PPARG: variants seen among roughly 807,000 people sequenced by gnomAD.
The protein encoded by PPARG is peroxisome proliferator activated receptor gamma, also known as peroxisome proliferator-activated receptor gamma.
Under a neutral mutation model 39.2 loss-of-function variants are expected in PPARG, and 17 were observed. The ratio of observed to expected loss-of-function variants is 0.43; its 90% CI spans 0.30 to 0.65. PPARG has a LOEUF of 0.65. Among genes scored for constraint, PPARG ranks in the 30% least tolerant of loss-of-function variants. The pLI is 0.13. For synonymous variants in PPARG, 223 were observed against 215.7 expected, an observed-to-expected ratio of 1.03 and a Z score of -0.30; for missense variants, 406 against 585.9, an observed-to-expected ratio of 0.69 and a Z score of 3.17.
rs9282833 is a variant in PPARG, at chr3:12,353,044, A to T, written c.-8-26660A>T. Among the ~76,000 whole-genome samples, 128 of 152,346 alleles carry T rather than the reference A, an allele frequency of 8.4e-4. 1 individual carries two copies. The highest frequency in any genetic ancestry group is 2.1e-3 in the Admixed American group (32 of 15,302). ...TGCAGTGCAACAAATATCAACAAAT[A>T]GGTTAACTGAGAGGCAAGTACTGTT... is the stretch of plus-strand genomic sequence containing the variant. On this transcript the variant is annotated intron_variant, in intron 2 of 7. Transcript: ENST00000651735.
intron 2 of PPARG, among the ~76,000 whole-genome samples, chr3:12,359,250 T>G (rs1488252270): frequency 6.6e-6 from 1 of 152,116 alleles, no homozygotes; most frequent in Non-Finnish European, 1.5e-5. Context: ...AGGTTTTAGA[T>G]TACTGATTGA....
At chr3:12,407,647 T>C (rs986017530) in intron 6 of PPARG, among the ~76,000 whole-genome samples, 2 of 152,222 alleles carry the variant, frequency 1.3e-5, no homozygotes, top group African/African-American at 4.8e-5. Context: ...GATAGATATG[T>C]GTAACTTTTC....
At chr3:12,417,319 G>C (rs1289660012) in intron 7 of PPARG, among the ~76,000 whole-genome samples, 165 bp downstream of exon 7, 1 of 152,228 alleles carries the variant, frequency 6.6e-6, no homozygotes, top group Non-Finnish European at 1.5e-5. Context: ...CCAAGAAAGA[G>C]TGTCATAGGT....
At chr3:12,398,716 G>A (rs1009803986) in intron 5 of PPARG, among the ~76,000 whole-genome samples, 1 of 152,102 alleles carries the variant, frequency 6.6e-6, no homozygotes. Flanking sequence ...ATAAGAGGGC[G>A]GAGATGGTCA....
intron 2 of PPARG, among the ~76,000 whole-genome samples, chr3:12,354,437 T>C (rs887248020): frequency 6.6e-6 from 1 of 150,896 alleles, no homozygotes; most frequent in South Asian, 2.1e-4. Flanking sequence ...GTGGCTAGAA[T>C]AGAAGGCTCC....
chr3:12,419,830 A>T (rs1212351172), intron 7 of PPARG, among the ~76,000 whole-genome samples: 1 of 152,132 alleles, frequency 6.6e-6, no homozygotes, highest in Non-Finnish European at 1.5e-5. Context: ...ATTAATATTT[A>T]ATTTATTTCA....
intron 5 of PPARG, among the ~76,000 whole-genome samples, chr3:12,401,715 G>T (rs894315607): frequency 1.3e-5 from 2 of 151,870 alleles, no homozygotes; most frequent in African/African-American, 4.8e-5. Context: ...AAATGGGATC[G>T]ATTTTTCATT....
intron 7 of PPARG, among the ~76,000 whole-genome samples, chr3:12,420,083 T>C (rs576181004): frequency 1.3e-4 from 20 of 152,232 alleles, no homozygotes; most frequent in African/African-American, 4.1e-4. Context: ...TGCACACTCA[T>C]GTAGATAGAT....
chr3:12,308,319 G>C (rs1472726056), intron 1 of PPARG, among the ~76,000 whole-genome samples: 1 of 129,324 alleles, frequency 7.7e-6, no homozygotes, highest in Admixed American at 8.9e-5. Context: ...ACTCTAACCT[G>C]GATGACAGAG....
At chr3:12,314,827 A>G (rs1410664757) in intron 2 of PPARG, among the ~76,000 whole-genome samples, 1 of 152,094 alleles carries the variant, frequency 6.6e-6, no homozygotes, top group Non-Finnish European at 1.5e-5. Flanking sequence ...TGCTTTTATT[A>G]TTATTTTTAA....
chr3:12,298,705 A>G (rs2124945732), intron 1 of PPARG, among the ~76,000 whole-genome samples: 1 of 152,360 alleles, frequency 6.6e-6, no homozygotes, highest in East Asian at 1.9e-4. Context: ...TGATAAGCCA[A>G]GACAAACTTC....
At chr3:12,368,280 C>G (rs1336677896) in intron 2 of PPARG, among the ~76,000 whole-genome samples, 2 of 148,928 alleles carry the variant, frequency 1.3e-5, no homozygotes, top group Admixed American at 1.4e-4. Context: ...CTCCCGAGTT[C>G]AAGTGATTCT....
intron 1 of PPARG, among the ~76,000 whole-genome samples, chr3:12,303,903 A>G (rs370486067): frequency 2.6e-5 from 4 of 152,352 alleles, no homozygotes; most frequent in Admixed American, 6.5e-5. Context: ...TATTTTCTTC[A>G]TAACTGGCTG....
chr3:12,322,252 G>A (rs1421280483), intron 2 of PPARG, among the ~76,000 whole-genome samples: 1 of 152,124 alleles, frequency 6.6e-6, no homozygotes, highest in Admixed American at 6.6e-5. Flanking sequence ...TTTGAAGCAG[G>A]GCTTCTAAGT....
intron 2 of PPARG, among the ~76,000 whole-genome samples, chr3:12,377,451 T>G (rs960736001): frequency 2.0e-4 from 31 of 152,324 alleles, no homozygotes; most frequent in African/African-American, 6.7e-4. Flanking sequence ...AAAAGGTGTA[T>G]CCACAGAAAA....
intron 5 of PPARG, among the ~76,000 whole-genome samples, chr3:12,398,043 A>G (rs997534534): frequency 2.6e-5 from 4 of 152,134 alleles, no homozygotes; most frequent in Non-Finnish European, 5.9e-5. Flanking sequence ...GCTGCATTCA[A>G]ATGCCTTCCT....
chr3:12,427,551 C>T (rs1023478536), intron 7 of PPARG, among the ~76,000 whole-genome samples: 2 of 152,190 alleles, frequency 1.3e-5, no homozygotes, highest in Non-Finnish European at 1.5e-5. Context: ...TTCTAAAGTT[C>T]CTCTACCTAT....
Position 12,400,557 on chromosome 3 carries a change from A to AT in PPARG, c.530-5317dup, listed in dbSNP as rs1306131008. ...GAGCCTACCAGCTCTGATATGGATAATTTTTTTTACCAAGATACCAGATTT... is the reference window on the plus strand; with the variant it reads ...GAGCCTACCAGCTCTGATATGGATAATTTTTTTTTACCAAGATACCAGATTT... On this transcript the variant is annotated intron_variant, in intron 5 of 7. Transcript: ENST00000651735. 6.6e-5 allele frequency among the ~76,000 whole-genome samples: 10 copies of AT among 152,096 alleles called. No individual in the cohort carries two copies. In the East Asian group the frequency reaches 1.7e-3, roughly 26 times the overall value.
intron 2 of PPARG, among the ~76,000 whole-genome samples, chr3:12,314,313 A>C (rs1479728113): frequency 6.6e-6 from 1 of 151,964 alleles, no homozygotes; most frequent in East Asian, 1.9e-4. Context: ...AATTGAGTGA[A>C]AGTTTAAGGT....
Sources: allele counts gnomAD v4.1 joint callset (sites outside exome capture counted in the v4.1 genomes callset), GRCh38; gene constraint gnomAD v4.1.1; transcripts MANE v1.5; gene names NCBI Gene and HGNC (gene_info 2026-07-23, HGNC 2026-07-21).